Variants in GNB1 observed in about 807,000 individuals in gnomAD.
GNB1 encodes the protein G protein subunit beta 1.
Under a neutral mutation model 42.9 loss-of-function variants are expected in GNB1, and 2 were observed. The ratio of observed to expected loss-of-function variants is 0.05; its 90% confidence interval spans 0.02 to 0.15. The LOEUF (loss-of-function observed/expected upper bound fraction) is 0.15. Among genes scored for constraint, GNB1 ranks in the 10% least tolerant of loss-of-function variants. GNB1 has a pLI of 1.00. For missense variants in GNB1, 193 were observed against 462.2 expected (o/e 0.42, Z 5.34); for synonymous variants, 183 against 174.7 (o/e 1.05, Z -0.38).
Position 1,787,774 on chromosome 1 carries a change from G to C in GNB1, c.917-337C>G, listed in dbSNP as rs1056413849. On this transcript the variant is annotated intron_variant, in intron 10 of 11. Transcript: ENST00000378609. The surrounding 1 kb of genome is among the most constrained non-coding windows in gnomAD (Gnocchi z 4.4). ...TCATCAGACGCAGTGGCTTAGGCCTGTAATCCCAGCACGTTGGAAGGCCGA... is the reference window on the plus strand; with the variant it reads ...TCATCAGACGCAGTGGCTTAGGCCTCTAATCCCAGCACGTTGGAAGGCCGA... Among the ~76,000 whole-genome samples the C allele has an allele frequency of 9.2e-5, 14 of 152,194 alleles. No homozygotes were observed. The highest frequency in any genetic ancestry group is 2.9e-4 in the African/African-American group (12 of 41,454).
At chr1:1,788,146 CAGA>C (rs1646432055) in intron 10 of GNB1, 1 of 152,268 alleles carries the variant, frequency 6.6e-6, no homozygotes, top group Non-Finnish European at 1.5e-5. Flanking sequence ...GCACAAGGCA[CAGA>C]ACACAGGAGT....
At chr1:1,871,289 G>A (rs953114124) in intron 1 of GNB1, among the ~76,000 whole-genome samples, 1 of 151,894 alleles carries the variant, frequency 6.6e-6, no homozygotes, top group East Asian at 1.9e-4. Flanking sequence ...GTGAAACCCC[G>A]TCTCTATTAA....
chr1:1,833,977 T>G (rs922237018), intron 2 of GNB1, among the ~76,000 whole-genome samples: 3 of 151,908 alleles, frequency 2.0e-5, no homozygotes, highest in Admixed American at 2.0e-4. Context: ...TGGGAAACAC[T>G]CCAGGACAGA....
At chr1:1,882,444 AAAAAAAGAG>A (rs1239302005) in intron 1 of GNB1, among the ~76,000 whole-genome samples, 1 of 151,566 alleles carries the variant, frequency 6.6e-6, no homozygotes, top group East Asian at 1.9e-4. Context: ...AAAAAAAAAA[AAAAAAAGAG>A]AGAAGGTGCT....
chr1:1,797,002 G>C (rs1169054328), intron 7 of GNB1, among the ~76,000 whole-genome samples: 1 of 152,158 alleles, frequency 6.6e-6, no homozygotes, highest in South Asian at 2.1e-4. Flanking sequence ...AGTCTAGAAA[G>C]GAGCAGATCA....
At chr1:1,883,531 A>G (rs1570761602) in intron 1 of GNB1, among the ~76,000 whole-genome samples, 1 of 152,326 alleles carries the variant, frequency 6.6e-6, no homozygotes, top group East Asian at 1.9e-4. Context: ...GCCATCAGCA[A>G]CAGAAATAGC....
Position 1,793,577 on chromosome 1 carries a change from G to A in GNB1, c.431-266C>T, listed in dbSNP as rs80220232. 1,683 of 315,166 alleles carry A rather than the reference G, an allele frequency of 5.3e-3. 56 individuals carry two copies. In the East Asian group the frequency reaches 0.075, roughly 14 times the overall value. 19.5% of individuals were successfully genotyped at this position (315,166 alleles called of 1,614,324 possible). ...GGGCAGAAGCAGAAACCACACCCATGAAACATACACATCTTTCATCTGCTT... is the reference window on the plus strand; with the variant it reads ...GGGCAGAAGCAGAAACCACACCCATAAAACATACACATCTTTCATCTGCTT... On this transcript the variant is annotated intron_variant, in intron 7 of 11. Coordinates refer to ENST00000378609, the MANE Select transcript of GNB1 (RefSeq NM_002074.5).
chr1:1,850,509 A>C (rs914406461), intron 1 of GNB1, among the ~76,000 whole-genome samples: 1 of 151,906 alleles, frequency 6.6e-6, no homozygotes, highest in Non-Finnish European at 1.5e-5. Context: ...CTTCAGTTTC[A>C]CTGATTCTTT....
chr1:1,805,770 G>A (rs1646688281), intron 6 of GNB1, among the ~76,000 whole-genome samples: 1 of 151,988 alleles, frequency 6.6e-6, no homozygotes, highest in Non-Finnish European at 1.5e-5. Flanking sequence ...TCAAACTCCT[G>A]ACCTCAGGTG....
At chr1:1,808,638 TTGTTTTTG>T (rs1303582180) in intron 5 of GNB1, among the ~76,000 whole-genome samples, 1 of 140,276 alleles carries the variant, frequency 7.1e-6, no homozygotes, top group Non-Finnish European at 1.6e-5. Flanking sequence ...TTTTGTTTGT[TTGTTTTTG>T]TTTGTTTGTT....
chr1:1,796,092 G>C (rs546703387), intron 7 of GNB1, among the ~76,000 whole-genome samples: 1 of 152,206 alleles, frequency 6.6e-6, no homozygotes, highest in Non-Finnish European at 1.5e-5. Context: ...ATTTTCAGGA[G>C]TGTCCAATAA....
At chr1:1,861,110 C>CAAAAAA (rs34626560) in intron 1 of GNB1, among the ~76,000 whole-genome samples, 1 of 107,022 alleles carries the variant, frequency 9.3e-6, no homozygotes, top group Non-Finnish European at 1.7e-5. Flanking sequence ...CTCTGTCTCA[C>CAAAAAA]AAAAAAAAAA....
At chr1:1,814,068 C>G (rs1011810977) in intron 5 of GNB1, among the ~76,000 whole-genome samples, 14 of 152,194 alleles carry the variant, frequency 9.2e-5, no homozygotes, top group African/African-American at 2.9e-4. Context: ...AGAATATCAT[C>G]TCCCCACTTC....
intron 5 of GNB1, among the ~76,000 whole-genome samples, chr1:1,812,640 C>T (rs1017373904): frequency 3.3e-5 from 5 of 152,190 alleles, no homozygotes; most frequent in Admixed American, 6.5e-5. Context: ...ATGTGGCACC[C>T]CAGCCTCCCA....
At chr1:1,788,012 G>C (rs1646429380) in intron 10 of GNB1, 1 of 147,586 alleles carries the variant, frequency 6.8e-6, no homozygotes, top group Admixed American at 6.9e-5. Context: ...CTGGGCGACA[G>C]AGCGAGACTC....
intron 1 of GNB1, among the ~76,000 whole-genome samples, chr1:1,877,308 A>T (rs1422464416): frequency 1.5e-4 from 21 of 142,892 alleles, no homozygotes; most frequent in African/African-American, 4.3e-4. Context: ...CAAAAAAAAA[A>T]AAAAAAAAAT....
At chr1:1,817,788 C>A in intron 4 of GNB1, 49 bp downstream of exon 4, 1 of 1,413,800 alleles carries the variant, frequency 7.1e-7, no homozygotes, top group Non-Finnish European at 1.0e-6. Flanking sequence ...GGGTGCCGTG[C>A]TAGCCTCCTC....
Position 1,854,065 on chromosome 1 carries a change from G to A in GNB1, c.-95-14827C>T, listed in dbSNP as rs1220934479. Reference sequence around the variant, plus strand: ...GCTCAGGGGAGTCCGTAGGAAACAAGACACAGCACTTGCTGTTCTAGAACT... The same window carrying A: ...GCTCAGGGGAGTCCGTAGGAAACAAAACACAGCACTTGCTGTTCTAGAACT... On this transcript the variant is annotated intron_variant, in intron 1 of 11. Coordinates refer to ENST00000378609, the MANE Select transcript of GNB1 (RefSeq NM_002074.5). Among the ~76,000 whole-genome samples the A allele has an allele frequency of 1.3e-5, 2 of 152,194 alleles. 1 individual carries two copies. The highest frequency in any genetic ancestry group is 2.9e-5 in the Non-Finnish European group (2 of 68,044).
intron 1 of GNB1, chr1:1,890,441 G>A (rs1235752484): frequency 9.4e-5 from 14 of 149,024 alleles, no homozygotes; most frequent in Non-Finnish European, 4.5e-5. Context: ...TTGTTCTCGC[G>A]CCGCGGGCCC....
Sources: allele counts gnomAD v4.1 joint callset (sites outside exome capture counted in the v4.1 genomes callset), GRCh38; gene constraint gnomAD v4.1.1; non-coding constraint Gnocchi (gnomAD v3.1); transcripts MANE v1.5; gene names NCBI Gene and HGNC (gene_info 2026-07-23, HGNC 2026-07-21).